Variants in RAB12 observed in about 807,000 individuals in gnomAD.
The protein encoded by RAB12 is ras-related protein Rab-12.
RAB12 carries 11 observed loss-of-function variants against 28.4 expected under a neutral mutation model. The ratio of observed to expected loss-of-function variants is 0.39; its 90% CI spans 0.24 to 0.64. The LOEUF (loss-of-function observed/expected upper bound fraction) is 0.64, where lower values mean the gene tolerates loss of function less well. Among genes scored for constraint, RAB12 ranks in the 30% least tolerant of loss-of-function variants. The probability of loss-of-function intolerance (pLI) is 0.50; values close to 1 mark genes in which losing one functional copy is unlikely to be tolerated. For missense variants in RAB12, 276 were observed against 351.1 expected, an observed-to-expected ratio of 0.79 and a Z score of 1.71; for synonymous variants, 138 against 145.3, an observed-to-expected ratio of 0.95 and a Z score of 0.36.
rs71165795 is a variant in RAB12 at position 8,620,139 on chromosome 18, C to CTTTTTTTTTT, written c.515-4787_515-4778dup. 7.4e-4 allele frequency among the ~76,000 whole-genome samples: 40 copies of CTTTTTTTTTT among 53,946 alleles called. 2 individuals are homozygous for CTTTTTTTTTT. The highest frequency in any genetic ancestry group is 8.7e-4 in the African/African-American group (11 of 12,670). The allele number at this position is 53,946 out of a possible 152,430, so 35.4% of individuals were successfully genotyped here. A position where few individuals can be genotyped will look rare whatever the true frequency, so the allele number is the denominator to read the frequency against. ...AAAGCCTTCTTTTTTTTTTCTTCTT[C>CTTTTTTTTTT]TTTTTTTTTTTTTTTTTTTTTGCTT... On this transcript the variant is annotated intron_variant, in intron 1 of 5. Coordinates refer to ENST00000649141, the MANE Select transcript of RAB12 (RefSeq NM_001025300.3).
chr18:8,611,385 G>A (rs1383825372), intron 1 of RAB12, among the ~76,000 whole-genome samples: 1 of 152,192 alleles, frequency 6.6e-6, no homozygotes, highest in African/African-American at 2.4e-5. Context: ...GTTGCACTGT[G>A]TGATGAAGAG....
In RAB12 at chr18:8,633,328, G is replaced by C; in HGVS notation, c.714+1G>C. 1 of 1,613,634 alleles carries C rather than the reference G, an allele frequency of 6.2e-7. No individual in the cohort carries two copies. The highest frequency in any genetic ancestry group is 8.5e-7 in the Non-Finnish European group (1 of 1,179,890). The stretch of plus-strand genomic sequence containing the variant: ...GAAATGGATGAAGATGATTGATAAG[G>C]TAAATGTTGCATTTTTCTGTCCAAT... On this transcript the variant is annotated splice_donor_variant, in intron 3 of 5. Transcript: ENST00000649141. LOFTEE classifies it high-confidence loss of function.
chr18:8,639,147 C>CTTTTTGTTTTTTTTTTTTTTTTT lies in RAB12; in HGVS notation c.*890_*891insGTTTTTTTTTTTTTTTTTTTTTT, dbSNP rs1567898835. 1 of 16,024 alleles carries CTTTTTGTTTTTTTTTTTTTTTTT rather than the reference C, an allele frequency of 6.2e-5. No individual in the cohort carries two copies. Among genetic ancestry groups the CTTTTTGTTTTTTTTTTTTTTTTT allele is most frequent in the Non-Finnish European group, 1.3e-4 (1 of 7,590 alleles). The allele number at this position is 16,024 out of a possible 1,614,324, so 1.0% of individuals were successfully genotyped here. On this transcript the variant is annotated 3_prime_UTR_variant, in exon 6 of 6. Transcript: ENST00000649141. Reference sequence around the variant, plus strand: ...ATTCTGATTAAGCCTAGACTGTGTTCTTTTTTTTTTTTTTTTTTTTTTTTT... The same window carrying CTTTTTGTTTTTTTTTTTTTTTTT: ...ATTCTGATTAAGCCTAGACTGTGTTCTTTTTGTTTTTTTTTTTTTTTTTTTTTTTTTTTTTTTTTTTTTTTTTT...
intron 2 of RAB12, 114 bp from the exon 3 acceptor site, chr18:8,633,075 C>G: frequency 7.5e-7 from 1 of 1,332,080 alleles, no homozygotes; most frequent in South Asian, 1.2e-5. Context: ...ATAGGGGTTA[C>G]TCTCGTTCTT....
intron 2 of RAB12, among the ~76,000 whole-genome samples, chr18:8,632,522 T>C (rs765391846): frequency 6.6e-6 from 1 of 152,020 alleles, no homozygotes; most frequent in Non-Finnish European, 1.5e-5. Flanking sequence ...GTGGATCTTC[T>C]TTTCTTCCTG....
At chr18:8,635,805 A>G in intron 4 of RAB12, 183 bp downstream of exon 4, 1 of 508,028 alleles carries the variant, frequency 2.0e-6, no homozygotes. Context: ...TCATTCTGAA[A>G]TGGAGGGAGA....
At chr18:8,628,253 T>G (rs776646903) in intron 2 of RAB12, among the ~76,000 whole-genome samples, 64 of 152,164 alleles carry the variant, frequency 4.2e-4, no homozygotes, top group Non-Finnish European at 8.5e-4. Context: ...GTGTGGGATT[T>G]TTATGGTGCT....
chr18:8,636,050 T>C, intron 4 of RAB12: 1 of 548,440 alleles, frequency 1.8e-6, no homozygotes, highest in Non-Finnish European at 3.2e-6. Context: ...GGCATCACCT[T>C]CAGGATTTTT....
intron 1 of RAB12, among the ~76,000 whole-genome samples, chr18:8,620,139 C>CT (rs71165795): frequency 0.32 from 17,655 of 54,354 alleles, 2,611 homozygotes; most frequent in East Asian, 0.47. Context: ...TTTTCTTCTT[C>CT]TTTTTTTTTT....
intron 1 of RAB12, among the ~76,000 whole-genome samples, chr18:8,614,168 T>C (rs921544695): frequency 6.6e-6 from 1 of 152,236 alleles, no homozygotes; most frequent in Non-Finnish European, 1.5e-5. Context: ...CATTTTAGAA[T>C]TTGGTCCTTG....
In RAB12 at chr18:8,639,297, GGT is replaced by G. The variant is rs1174256515; in HGVS notation, c.*1040_*1041del. On this transcript the variant is annotated 3_prime_UTR_variant, in exon 6 of 6. Transcript: ENST00000649141. ...AAGTAATTATGTATTTGAATAACTTGGTGTGTCTTGAGTGTTGTGGTATGAAA... is the reference window on the plus strand; with the variant it reads ...AAGTAATTATGTATTTGAATAACTTGGTGTCTTGAGTGTTGTGGTATGAAA... The G allele has an allele frequency of 1.3e-5, 2 of 151,244 alleles. No homozygotes were observed. The highest frequency in any genetic ancestry group is 3.0e-5 in the Non-Finnish European group (2 of 67,782). The allele number at this position is 151,244 out of a possible 1,614,324, so 9.4% of individuals were successfully genotyped here.
intron 1 of RAB12, among the ~76,000 whole-genome samples, chr18:8,617,956 T>A (rs905194723): frequency 1.3e-5 from 2 of 152,212 alleles, no homozygotes; most frequent in South Asian, 4.1e-4. Context: ...ATCTGAAATA[T>A]AGCAAACACC....
In RAB12 at chr18:8,613,366, C is replaced by T. The variant is rs1341211447; in HGVS notation, c.514+3413C>T. On this transcript the variant is annotated intron_variant, in intron 1 of 5. Coordinates refer to ENST00000649141, the MANE Select transcript of RAB12 (RefSeq NM_001025300.3). ...CTAACATGCCTGGTCCACTATTTTC[C>T]TCATAGCAGTGCCTGTATCACAAGC... Among the ~76,000 whole-genome samples, 3 of 152,184 alleles carry T rather than the reference C, an allele frequency of 2.0e-5. No homozygotes were observed. The East Asian group carries it at 5.8e-4, about 29-fold the overall frequency.
intron 1 of RAB12, among the ~76,000 whole-genome samples, chr18:8,622,222 C>T (rs2096010265): frequency 6.6e-6 from 1 of 152,212 alleles, no homozygotes; most frequent in African/African-American, 2.4e-5. Flanking sequence ...GCCACTGCCA[C>T]AAGGTTTACA....
intron 1 of RAB12, among the ~76,000 whole-genome samples, chr18:8,623,180 G>A (rs148681214): frequency 0.04 from 6,115 of 152,270 alleles, 173 homozygotes; most frequent in Non-Finnish European, 0.06. Context: ...AATCACAAGG[G>A]TATTGATTGG....
At chr18:8,610,686 C>T (rs1397561059) in intron 1 of RAB12, among the ~76,000 whole-genome samples, 5 of 152,126 alleles carry the variant, frequency 3.3e-5, no homozygotes, top group Admixed American at 1.3e-4. Flanking sequence ...TTAATTAAGT[C>T]ATGCTTAGAG....
intron 5 of RAB12, 23 bp from the exon 6 acceptor site, chr18:8,638,122 ATTTT>A (rs745763608): frequency 1.1e-4 from 166 of 1,503,452 alleles, no homozygotes; most frequent in Non-Finnish European, 1.4e-4. Flanking sequence ...GTTAAAACGG[ATTTT>A]TTTTTGTTTG....
In RAB12 at chr18:8,638,774, G is replaced by GCTC. The variant is rs2096020438; in HGVS notation, c.*514_*516dup. 1 of 153,198 alleles carries GCTC rather than the reference G, an allele frequency of 6.5e-6. No homozygotes were observed. Among genetic ancestry groups the GCTC allele is most frequent in the African/African-American group, 2.4e-5 (1 of 41,430 alleles). The allele number at this position is 153,198 out of a possible 1,614,324, so 9.5% of individuals were successfully genotyped here. A position where few individuals can be genotyped will look rare whatever the true frequency, so the allele number is the denominator to read the frequency against. On this transcript the variant is annotated 3_prime_UTR_variant, in exon 6 of 6. Transcript: ENST00000649141. ...TGGAGTGTTTCTGCCACGAAGCAAAGCTCCATTCATGGCCGTCATGGAAGG... is the reference window on the plus strand; with the variant it reads ...TGGAGTGTTTCTGCCACGAAGCAAAGCTCCTCCATTCATGGCCGTCATGGAAGG...
Position 8,638,181 on chromosome 18 carries a change from C to A in RAB12, c.942C>A (p.Ser314=). Residue 314 remains serine, a synonymous_variant, in exon 6 of 6, where the codon TCC becomes TCA. Transcript: ENST00000649141. ...MPLDILRNEL[S]NSILSLQPEP... is the part of the protein sequence containing the mutation. ...TGGATATTTTAAGGAATGAGTTGTC[C>A]AATAGTATCCTGTCGTTACAACCAG... is the stretch of plus-strand genomic sequence containing the variant. The A allele has an allele frequency of 6.2e-7, 1 of 1,612,766 alleles. No individual in the cohort carries two copies. Among genetic ancestry groups the A allele is most frequent in the South Asian group, 1.1e-5 (1 of 90,962 alleles).
Sources: allele counts gnomAD v4.1 joint callset (sites outside exome capture counted in the v4.1 genomes callset), GRCh38; gene constraint gnomAD v4.1.1; transcripts MANE v1.5; gene names NCBI Gene and HGNC (gene_info 2026-07-23, HGNC 2026-07-21).